KIAA1217: variants seen among roughly 807,000 people sequenced by gnomAD.
The protein encoded by KIAA1217 is sickle tail protein homolog.
In KIAA1217, 88 loss-of-function variants were observed where a neutral mutation model predicts 163.9. The observed-to-expected ratio is 0.54, with a 90% confidence interval of 0.45 to 0.64. KIAA1217 has a LOEUF of 0.64. Among genes scored for constraint, KIAA1217 ranks in the 30% least tolerant of loss-of-function variants. The pLI, the probability that KIAA1217 is intolerant of heterozygous loss-of-function variation, is 0.00. For synonymous variants in KIAA1217, 903 were observed against 923.1 expected, an observed-to-expected ratio of 0.98 and a Z score of 0.39; for missense variants, 2,372 against 2,475.0, an observed-to-expected ratio of 0.96 and a Z score of 0.88.
intron 2 of KIAA1217, among the ~76,000 whole-genome samples, chr10:24,099,323 A>C (rs112933596): frequency 0.02 from 3,023 of 150,320 alleles, 102 homozygotes; most frequent in African/African-American, 0.071. Flanking sequence ...TCCTAATGCT[A>C]TCCCTCCCCC....
chr10:23,731,862 T>C (rs113991971), intron 1 of KIAA1217, among the ~76,000 whole-genome samples: 34 of 152,296 alleles, frequency 2.2e-4, no homozygotes, highest in African/African-American at 7.9e-4. Context: ...GATATTATGA[T>C]GTGATTTTTC....
chr10:23,986,311 A>G (rs1845966720), intron 1 of KIAA1217, among the ~76,000 whole-genome samples: 1 of 152,258 alleles, frequency 6.6e-6, no homozygotes, highest in African/African-American at 2.4e-5. Flanking sequence ...ATTTTGTGTT[A>G]GACTGGCCTG....
rs541681852 is a variant in KIAA1217 at position 23,811,190 on chromosome 10, C to T, written c.-321+115956C>T. Among the ~76,000 whole-genome samples, 55 of 140,136 alleles carry T rather than the reference C, an allele frequency of 3.9e-4. No homozygotes were observed. The South Asian group carries it at 0.012, about 29-fold the overall frequency. 91.9% of individuals were successfully genotyped at this position (140,136 alleles called of 152,430 possible). A position where few individuals can be genotyped will look rare whatever the true frequency, so the allele number is the denominator to read the frequency against. On this transcript the variant is annotated intron_variant, in intron 1 of 18. Coordinates refer to the KIAA1217 transcript ENST00000376462. ...TACTATACATATATACTATACTATA[C>T]ATATACTATGTATATAGTATAATCT... is the stretch of plus-strand genomic sequence containing the variant.
At chr10:23,843,052 G>T (rs991348403) in intron 1 of KIAA1217, among the ~76,000 whole-genome samples, 3 of 152,126 alleles carry the variant, frequency 2.0e-5, no homozygotes, top group African/African-American at 4.8e-5. Flanking sequence ...ACCACTTAGG[G>T]TTAGTCGTGA....
chr10:23,915,152 G>A (rs1323168460), intron 1 of KIAA1217, among the ~76,000 whole-genome samples: 2 of 152,090 alleles, frequency 1.3e-5, no homozygotes, highest in Non-Finnish European at 2.9e-5. Context: ...ATCAAGGGGA[G>A]GTTGAAAATG....
chr10:24,479,202 T>TA (rs562473875), intron 6 of KIAA1217, among the ~76,000 whole-genome samples: 151 of 152,360 alleles, frequency 9.9e-4, no homozygotes, highest in African/African-American at 3.5e-3. Context: ...TGTCTGCTGT[T>TA]AATCATTTCA....
chr10:23,840,577 G>A lies in KIAA1217; in HGVS notation c.-321+145343G>A, dbSNP rs996947668. Among the ~76,000 whole-genome samples, 3 of 152,158 alleles carry A rather than the reference G, an allele frequency of 2.0e-5. No individual in the cohort carries two copies. In the East Asian group the frequency reaches 5.8e-4, roughly 29 times the overall value. On this transcript the variant is annotated intron_variant, in intron 1 of 18. Transcript: ENST00000376462. Reference sequence around the variant, plus strand: ...AGTCTATATTTTTCTTAAAGTTATAGAATGTGGTTTAATGAAGAATTAGTG... The same window carrying A: ...AGTCTATATTTTTCTTAAAGTTATAAAATGTGGTTTAATGAAGAATTAGTG...
At chr10:23,811,232 G>GTA (rs1489489515) in intron 1 of KIAA1217, among the ~76,000 whole-genome samples, 1 of 141,770 alleles carries the variant, frequency 7.1e-6, no homozygotes, top group African/African-American at 2.6e-5. Context: ...AGTATAGCGT[G>GTA]TATATATATT....
chr10:23,750,016 T>G (rs1427288758), intron 1 of KIAA1217, among the ~76,000 whole-genome samples: 1 of 152,176 alleles, frequency 6.6e-6, no homozygotes, highest in Non-Finnish European at 1.5e-5. Flanking sequence ...CTTTCTTTTC[T>G]TTTCTTTTTT....
chr10:23,774,335 C>T (rs1285090096), intron 1 of KIAA1217, among the ~76,000 whole-genome samples: 1 of 152,178 alleles, frequency 6.6e-6, no homozygotes, highest in Non-Finnish European at 1.5e-5. Context: ...GGTGTGTGGG[C>T]TATGCTGGAG....
chr10:24,250,286 A>ATACT (rs2074321692), intron 2 of KIAA1217, among the ~76,000 whole-genome samples: 1 of 152,140 alleles, frequency 6.6e-6, no homozygotes, highest in African/African-American at 2.4e-5. Context: ...TAGAGAAAGA[A>ATACT]TACTTGGTGG....
chr10:23,853,170 T>G (rs1203998957), intron 1 of KIAA1217, among the ~76,000 whole-genome samples: 1 of 152,222 alleles, frequency 6.6e-6, no homozygotes, highest in African/African-American at 2.4e-5. Flanking sequence ...TAGCTCTTAT[T>G]ATTTTGAGAT....
chr10:24,311,725 G>A (rs2042723209), intron 2 of KIAA1217, among the ~76,000 whole-genome samples: 1 of 152,142 alleles, frequency 6.6e-6, no homozygotes, highest in Admixed American at 6.5e-5. Flanking sequence ...TCAGGGGCCT[G>A]TGGGAACTTT....
chr10:24,212,993 C>T (rs1286889260), intron 1 of KIAA1217, among the ~76,000 whole-genome samples: 1 of 152,072 alleles, frequency 6.6e-6, no homozygotes, highest in Non-Finnish European at 1.5e-5. Flanking sequence ...ACTTACTGTC[C>T]AAATGAGATC....
At chr10:23,746,549 G>C (rs566338802) in intron 1 of KIAA1217, among the ~76,000 whole-genome samples, 1 of 151,812 alleles carries the variant, frequency 6.6e-6, no homozygotes, top group South Asian at 2.1e-4. Context: ...TCAGCCTCCC[G>C]AGTAGTTGGG....
chr10:23,794,810 G>A lies in KIAA1217; in HGVS notation c.-321+99576G>A, dbSNP rs75157389. 1.4e-3 allele frequency among the ~76,000 whole-genome samples: 209 copies of A among 152,328 alleles called. 2 individuals carry two copies. The East Asian group carries it at 0.036, about 26-fold the overall frequency. ...GTGTATACGTGTGTTTCTTTTGGTG[G>A]TAAATATATAAAGATACATCTTTTA... On this transcript the variant is annotated intron_variant, in intron 1 of 18. Coordinates refer to the KIAA1217 transcript ENST00000376462.
intron 3 of KIAA1217, among the ~76,000 whole-genome samples, chr10:24,396,627 A>C (rs538595408): frequency 6.6e-6 from 1 of 152,294 alleles, no homozygotes; most frequent in African/African-American, 2.4e-5. Context: ...GGAGCATGTG[A>C]AGATGTAAGC....
chr10:24,178,601 A>G (rs1023168331), intron 2 of KIAA1217, among the ~76,000 whole-genome samples: 3 of 152,240 alleles, frequency 2.0e-5, no homozygotes, highest in Non-Finnish European at 4.4e-5. Context: ...TTCACTGCCC[A>G]TCAAAGCAGA....
chr10:24,261,490 T>C (rs1197883646), intron 2 of KIAA1217, among the ~76,000 whole-genome samples: 1 of 124,582 alleles, frequency 8.0e-6, no homozygotes, highest in Non-Finnish European at 1.7e-5. Flanking sequence ...AGCAAGACTC[T>C]GTCTCAGACA....
Sources: allele counts gnomAD v4.1 joint callset (sites outside exome capture counted in the v4.1 genomes callset), GRCh38; gene constraint gnomAD v4.1.1; transcripts MANE v1.5; gene names NCBI Gene and HGNC (gene_info 2026-07-23, HGNC 2026-07-21).